The following GPC6 variants were observed in gnomAD, a reference collection of about 807,000 sequenced individuals.
GPC6 encodes the protein glypican-6.
In GPC6, 14 loss-of-function variants were observed where a neutral mutation model predicts 55.2. The ratio of observed to expected loss-of-function variants is 0.25; its 90% CI spans 0.17 to 0.40. The LOEUF is 0.40. Among genes scored for constraint, GPC6 ranks in the 10% least tolerant of loss-of-function variants. GPC6 has a pLI of 1.00. For synonymous variants in GPC6, 278 were observed against 259.6 expected, an observed-to-expected ratio of 1.07 and a Z score of -0.68; for missense variants, 641 against 708.5, an observed-to-expected ratio of 0.90 and a Z score of 1.08.
At chr13:93,563,626 G>A (rs533072896) in intron 2 of GPC6, among the ~76,000 whole-genome samples, 174 of 152,158 alleles carry the variant, frequency 1.1e-3, no homozygotes, top group African/African-American at 4.0e-3. Context: ...ACTGGAACTG[G>A]CACTTAAGGT....
chr13:93,355,749 A>AGGTGT (rs1338535889), intron 1 of GPC6, among the ~76,000 whole-genome samples: 1 of 151,882 alleles, frequency 6.6e-6, no homozygotes, highest in Non-Finnish European at 1.5e-5. Context: ...GGGAACAGGG[A>AGGTGT]GGTGTTGTAG....
At chr13:94,214,795 C>T (rs763075315) in intron 4 of GPC6, among the ~76,000 whole-genome samples, 12 of 152,180 alleles carry the variant, frequency 7.9e-5, no homozygotes, top group African/African-American at 1.2e-4. Context: ...TAATCTCAAA[C>T]GCAATTAATG....
intron 4 of GPC6, among the ~76,000 whole-genome samples, chr13:94,177,950 C>G (rs1888843979): frequency 6.6e-6 from 1 of 151,524 alleles, no homozygotes. Flanking sequence ...TTTTTTTCTT[C>G]CAAATCTCTG....
intron 2 of GPC6, among the ~76,000 whole-genome samples, chr13:93,773,069 G>A (rs554853238): frequency 3.1e-4 from 47 of 152,090 alleles, no homozygotes; most frequent in Non-Finnish European, 5.7e-4. Context: ...ATCCTCACAA[G>A]GAAGGCACTT....
At chr13:93,631,443 C>T (rs1381693272) in intron 2 of GPC6, among the ~76,000 whole-genome samples, 5 of 152,260 alleles carry the variant, frequency 3.3e-5, no homozygotes, top group Admixed American at 6.5e-5. Context: ...TGTTGACTTT[C>T]GACTTCCAGC....
intron 1 of GPC6, among the ~76,000 whole-genome samples, chr13:93,294,580 T>C (rs938411894): frequency 1.4e-4 from 22 of 152,160 alleles, no homozygotes; most frequent in Non-Finnish European, 4.4e-5. Flanking sequence ...TGGCACTCAG[T>C]ACACCAAGAA....
intron 1 of GPC6, among the ~76,000 whole-genome samples, chr13:93,315,013 G>T (rs1879200170): frequency 6.6e-6 from 1 of 152,030 alleles, no homozygotes; most frequent in African/African-American, 2.4e-5. Context: ...CAAGTTAAAA[G>T]TTGAAAACAG....
chr13:93,969,486 G>A (rs1243514445), intron 3 of GPC6, among the ~76,000 whole-genome samples: 2 of 152,056 alleles, frequency 1.3e-5, no homozygotes, highest in Non-Finnish European at 2.9e-5. Context: ...TCACTGAGCT[G>A]CAAACCCAAG....
At chr13:93,862,591 C>T (rs1430422740) in intron 3 of GPC6, among the ~76,000 whole-genome samples, 1 of 151,184 alleles carries the variant, frequency 6.6e-6, no homozygotes, top group Non-Finnish European at 1.5e-5. Context: ...AATCTGCATC[C>T]CTGGGAACCA....
intron 4 of GPC6, among the ~76,000 whole-genome samples, chr13:94,135,842 T>C (rs374609797): frequency 6.6e-6 from 1 of 152,226 alleles, no homozygotes. Flanking sequence ...TGGCCAGGGA[T>C]GCCACAGAAA....
intron 6 of GPC6, among the ~76,000 whole-genome samples, chr13:94,369,693 T>C (rs1879447462): frequency 6.6e-6 from 1 of 152,150 alleles, no homozygotes; most frequent in African/African-American, 2.4e-5. Flanking sequence ...TTTAAGACAA[T>C]AGTAGTCTGG....
intron 4 of GPC6, among the ~76,000 whole-genome samples, chr13:94,174,274 A>G (rs1273763742): frequency 1.3e-5 from 2 of 152,176 alleles, no homozygotes; most frequent in Non-Finnish European, 2.9e-5. Flanking sequence ...AGTTAGGTTT[A>G]ATTAGGACAC....
chr13:93,959,248 C>T (rs756851171), intron 3 of GPC6, among the ~76,000 whole-genome samples: 17 of 150,498 alleles, frequency 1.1e-4, no homozygotes, highest in Non-Finnish European at 1.6e-4. Context: ...CTGCAACCTC[C>T]GCCTCCCGAG....
At chr13:93,966,930 C>G (rs934571959) in intron 3 of GPC6, among the ~76,000 whole-genome samples, 8 of 152,044 alleles carry the variant, frequency 5.3e-5, no homozygotes, top group Non-Finnish European at 1.2e-4. Context: ...GCTGAGACTA[C>G]GGGCATGAGC....
At chr13:93,930,300 C>A (rs1387469672) in intron 3 of GPC6, among the ~76,000 whole-genome samples, 2 of 65,204 alleles carry the variant, frequency 3.1e-5, no homozygotes, top group Admixed American at 3.9e-4. Context: ...TAGACAGAGT[C>A]TCACTCTGTC....
intron 6 of GPC6, among the ~76,000 whole-genome samples, chr13:94,339,059 G>A (rs990081428): frequency 6.6e-6 from 1 of 151,244 alleles, no homozygotes; most frequent in Non-Finnish European, 1.5e-5. Context: ...TGTTATTTTA[G>A]GAGTTTTCCT....
intron 2 of GPC6, among the ~76,000 whole-genome samples, chr13:93,621,221 G>A (rs530338805): frequency 6.6e-6 from 1 of 152,160 alleles, no homozygotes; most frequent in Non-Finnish European, 1.5e-5. Flanking sequence ...GAGCAATGAA[G>A]AAGTTGCCTA....
Position 93,455,110 on chromosome 13 carries a change from G to T in GPC6, c.161-90153G>T, listed in dbSNP as rs1258790300. ...GGGCCCGCCAAGCCCACGCCCACCCGGAACTCCAGCTGGCCCGCAAGCGGC... is the reference window on the plus strand; with the variant it reads ...GGGCCCGCCAAGCCCACGCCCACCCTGAACTCCAGCTGGCCCGCAAGCGGC... On this transcript the variant is annotated intron_variant, in intron 1 of 8. Coordinates refer to ENST00000377047, the MANE Select transcript of GPC6 (RefSeq NM_005708.5). Among the ~76,000 whole-genome samples the T allele has an allele frequency of 2.6e-5, 4 of 152,184 alleles. No individual in the cohort carries two copies. In the East Asian group the frequency reaches 7.8e-4, roughly 30 times the overall value.
chr13:94,118,147 T>C (rs1886499030), intron 4 of GPC6, among the ~76,000 whole-genome samples: 1 of 152,032 alleles, frequency 6.6e-6, no homozygotes, highest in African/African-American at 2.4e-5. Flanking sequence ...TCATCTTGAA[T>C]TGTAGTTCTC....
Sources: gnomAD v4.1 joint callset for allele counts (sites outside exome capture counted in the v4.1 genomes callset) on GRCh38, gnomAD v4.1.1 for gene constraint, MANE v1.5 for transcripts, NCBI Gene and HGNC (gene_info 2026-07-23, HGNC 2026-07-21) for gene names.